SF3A3: variants seen among roughly 807,000 people sequenced by gnomAD.
The protein encoded by SF3A3 is SAP 61.
Under a neutral mutation model 85.8 loss-of-function variants are expected in SF3A3, and 9 were observed. The observed-to-expected ratio is 0.10, with a 90% confidence interval of 0.06 to 0.18. SF3A3 has a LOEUF of 0.18. SF3A3 is among the 10% of genes least tolerant of loss of function. SF3A3 has a pLI of 1.00. For synonymous variants in SF3A3, 195 were observed against 204.4 expected (o/e 0.95, Z 0.39); for missense variants, 306 against 593.3 (o/e 0.52, Z 5.03).
chr1:37,989,912 G>A lies in SF3A3; in HGVS notation c.54C>T (p.Leu18=). Residue 18 remains leucine (L), a synonymous_variant, in exon 1 of 17, where the codon CTC becomes CTT. Coordinates refer to ENST00000373019, the MANE Select transcript of SF3A3 (RefSeq NM_006802.4). ...QRRYHEEKER[L]MDVMAKEMLT... ...GCATCTCTTTAGCCATGACGTCCAT[G>A]AGCCGTTCCTTCTCCTCATGATAGC... is the stretch of plus-strand genomic sequence containing the variant. The A allele has an allele frequency of 6.2e-7, 1 of 1,613,698 alleles. No homozygotes were observed. Among genetic ancestry groups the A allele is most frequent in the Non-Finnish European group, 8.5e-7 (1 of 1,179,922 alleles).
At position 37,984,246 on chromosome 1, in the gene SF3A3, T is replaced by C; in HGVS notation, c.391A>G (p.Thr131Ala). 1 of 1,595,744 alleles carries C rather than the reference T, an allele frequency of 6.3e-7. No individual in the cohort carries two copies. Among genetic ancestry groups the C allele is most frequent in the African/African-American group, 1.3e-5 (1 of 74,720 alleles). ...TAACGACCATATCCCTCTTCATCTG[T>C]GAACTCCACCAAGTCTGAGGGAATC... ...SEEAQNLVEFTDEEGYGRYLD... is the reference protein window; with the variant it reads ...SEEAQNLVEFADEEGYGRYLD... Residue 131 changes from threonine to alanine, a missense_variant, in exon 6 of 17, where the codon ACA (threonine) becomes GCA (alanine). Coordinates refer to ENST00000373019, the MANE Select transcript of SF3A3 (RefSeq NM_006802.4).
rs549023841 is a variant in SF3A3, at chr1:37,981,230, T to G, written c.551+499A>C. On this transcript the variant is annotated intron_variant, in intron 7 of 16. Transcript: ENST00000373019. ...TTCTGACCTTTCCCGCCTCCTTTTA[T>G]TCTCATAAAATGATGCTAAATACTA... 7.2e-5 allele frequency among the ~76,000 whole-genome samples: 11 copies of G among 152,292 alleles called. No homozygotes were observed. The South Asian group carries it at 1.0e-3, about 14-fold the overall frequency.
intron 5 of SF3A3, among the ~76,000 whole-genome samples, 193 bp downstream of exon 5, chr1:37,984,514 T>C (rs1646441916): frequency 6.6e-6 from 1 of 152,176 alleles, no homozygotes; most frequent in African/African-American, 2.4e-5. Flanking sequence ...GCCAGTAAAT[T>C]TGAGGTAGGA....
chr1:37,984,845 T>G, intron 4 of SF3A3, 66 bp from the exon 5 acceptor site: 1 of 1,325,922 alleles, frequency 7.5e-7, no homozygotes, highest in Non-Finnish European at 1.1e-6. Context: ...TCTCACTCTG[T>G]GGCCCAGGCT....
Position 37,958,322 on chromosome 1 carries a change from A to T in SF3A3, c.1429-59T>A, listed in dbSNP as rs1445402137. ...TCTCCTAAAAGAAATGTTTGGAACCAATCTCTAAGTACCTGAGCTCATCCT... is the reference window on the plus strand; with the variant it reads ...TCTCCTAAAAGAAATGTTTGGAACCTATCTCTAAGTACCTGAGCTCATCCT... On this transcript the variant is annotated intron_variant, in intron 16 of 16. Coordinates refer to ENST00000373019, the MANE Select transcript of SF3A3 (RefSeq NM_006802.4). 7.7e-6 allele frequency: 9 copies of T among 1,176,306 alleles called. No individual in the cohort carries two copies. The African/African-American group carries it at 1.1e-4, about 14-fold the overall frequency. 72.9% of individuals were successfully genotyped at this position (1,176,306 alleles called of 1,614,324 possible).
At chr1:37,968,628 G>T (rs959275180) in intron 14 of SF3A3, among the ~76,000 whole-genome samples, 2 of 152,178 alleles carry the variant, frequency 1.3e-5, no homozygotes, top group Non-Finnish European at 2.9e-5. Context: ...CTAAGGGATG[G>T]TAAATGGCAT....
intron 6 of SF3A3, among the ~76,000 whole-genome samples, chr1:37,982,876 A>AT (rs1254848700): frequency 6.6e-6 from 1 of 152,000 alleles, no homozygotes; most frequent in African/African-American, 2.4e-5. Flanking sequence ...AGGAGGATTG[A>AT]TTGAGTCCAG....
At chr1:37,975,655 T>C (rs1557751771) in intron 12 of SF3A3, among the ~76,000 whole-genome samples, 1 of 152,122 alleles carries the variant, frequency 6.6e-6, no homozygotes, top group Non-Finnish European at 1.5e-5. Flanking sequence ...AATATATCTC[T>C]CCAATGTCCA....
chr1:37,970,755 C>G (rs1268434706), intron 12 of SF3A3, among the ~76,000 whole-genome samples: 5 of 152,172 alleles, frequency 3.3e-5, no homozygotes. Context: ...TCCTGAATGA[C>G]TACTGGATAA....
At chr1:37,964,132 T>C (rs1646281899) in intron 15 of SF3A3, among the ~76,000 whole-genome samples, 1 of 152,066 alleles carries the variant, frequency 6.6e-6, no homozygotes, top group South Asian at 2.1e-4. Context: ...TGAGCAGAGA[T>C]TGCGCCACTG....
At chr1:37,967,947 T>A in intron 15 of SF3A3, 97 bp downstream of exon 15, 1 of 737,314 alleles carries the variant, frequency 1.4e-6, no homozygotes. Context: ...CACAACCTAC[T>A]GCCTTTAACC....
Position 37,957,988 on chromosome 1 carries a change from G to T in SF3A3, c.*198C>A, listed in dbSNP as rs1335204168. On this transcript the variant is annotated 3_prime_UTR_variant, in exon 17 of 17. Coordinates refer to ENST00000373019, the MANE Select transcript of SF3A3 (RefSeq NM_006802.4). The stretch of plus-strand genomic sequence containing the variant: ...CAAGGTCTGGTTTTATTTTCTGGCA[G>T]AATCTTTTAAAATATAAAACAGATA... The T allele has an allele frequency of 1.8e-6, 1 of 557,178 alleles. No homozygotes were observed. The highest frequency in any genetic ancestry group is 2.9e-5 in the East Asian group (1 of 34,788). The allele number at this position is 557,178 out of a possible 1,614,324, so 34.5% of individuals were successfully genotyped here.
intron 15 of SF3A3, among the ~76,000 whole-genome samples, chr1:37,960,874 C>A (rs1646252925): frequency 1.3e-5 from 2 of 151,964 alleles, no homozygotes; most frequent in South Asian, 4.1e-4. Flanking sequence ...AGGATGGTCT[C>A]CATCTCCTGA....
rs1326860979 is a variant in SF3A3 at position 37,957,230 on chromosome 1, T to G, written c.*956A>C. On this transcript the variant is annotated 3_prime_UTR_variant, in exon 17 of 17. Transcript: ENST00000373019. ...TGGAGAACATGTGAGTATTAGCTAC[T>G]TTTACAGTCAAATAGGGATCTTGTA... 1 of 152,114 alleles carries G rather than the reference T, an allele frequency of 6.6e-6. No homozygotes were observed. The highest frequency in any genetic ancestry group is 1.5e-5 in the Non-Finnish European group (1 of 68,020). The allele number at this position is 152,114 out of a possible 1,614,324, so 9.4% of individuals were successfully genotyped here.
chr1:37,979,426 TAGAC>T (rs751376763), intron 9 of SF3A3, 35 bp downstream of exon 9: 19 of 1,482,804 alleles, frequency 1.3e-5, no homozygotes, highest in South Asian at 3.4e-5. Flanking sequence ...GACAGAAAAA[TAGAC>T]AGAGAGAACA....
intron 8 of SF3A3, among the ~76,000 whole-genome samples, 199 bp from the exon 9 acceptor site, chr1:37,979,732 C>T (rs1646403558): frequency 6.6e-6 from 1 of 152,154 alleles, no homozygotes; most frequent in Non-Finnish European, 1.5e-5. Context: ...TGGCATGTGC[C>T]TGTGGTCCCA....
chr1:37,968,959 A>G (rs1646320679), intron 14 of SF3A3, among the ~76,000 whole-genome samples: 1 of 152,154 alleles, frequency 6.6e-6, no homozygotes, highest in Non-Finnish European at 1.5e-5. Flanking sequence ...TATTTTCTCA[A>G]GAGGCAAAGA....
At chr1:37,973,547 G>A (rs1228079429) in intron 12 of SF3A3, among the ~76,000 whole-genome samples, 2 of 152,212 alleles carry the variant, frequency 1.3e-5, no homozygotes, top group South Asian at 2.1e-4. Context: ...TCTCACACCA[G>A]TTAGAATGGC....
At chr1:37,984,864 C>A (rs1242325530) in intron 4 of SF3A3, 85 bp from the exon 5 acceptor site, 2 of 1,108,680 alleles carry the variant, frequency 1.8e-6, no homozygotes, top group Non-Finnish European at 2.7e-6. Context: ...CTGGAGTGCA[C>A]TGGCACAATC....
Sources: gnomAD v4.1 joint callset for allele counts (sites outside exome capture counted in the v4.1 genomes callset) on GRCh38, gnomAD v4.1.1 for gene constraint, MANE v1.5 for transcripts, NCBI Gene and HGNC (gene_info 2026-07-23, HGNC 2026-07-21) for gene names.